The following AKT3 variants were observed in gnomAD, a reference collection of about 807,000 sequenced individuals.
AKT3 encodes the protein RAC-gamma serine/threonine-protein kinase.
A neutral mutation model predicts 65.3 loss-of-function variants in AKT3; 15 were observed. The observed-to-expected ratio is 0.23, with a 90% CI of 0.15 to 0.35. The LOEUF is 0.35. Ranked by LOEUF, AKT3 falls within the 10% of genes least tolerant of loss-of-function variation. The pLI is 1.00. For missense variants in AKT3, 243 were observed against 576.5 expected (o/e 0.42, Z 5.92); for synonymous variants, 206 against 183.8 (o/e 1.12, Z -0.98).
chr1:243,664,185 C>CTTTTTTTTT (rs34578718), intron 4 of AKT3, among the ~76,000 whole-genome samples: 1 of 60,020 alleles, frequency 1.7e-5, no homozygotes. Flanking sequence ...ATAAAAATGT[C>CTTTTTTTTT]TTTTTTTTTT....
intron 8 of AKT3, among the ~76,000 whole-genome samples, chr1:243,607,776 C>T (rs766745614): frequency 3.0e-4 from 46 of 152,158 alleles, no homozygotes; most frequent in Non-Finnish European, 5.9e-4. Context: ...TGAATTGTAG[C>T]TCCCAAAATC....
In AKT3 at chr1:243,620,129, G is replaced by A. The variant is rs1336558536; in HGVS notation, c.562-4968C>T. 3.1e-5 allele frequency among the ~76,000 whole-genome samples: 3 copies of A among 97,618 alleles called. 1 individual carries two copies. Among genetic ancestry groups the A allele is most frequent in the South Asian group, 6.1e-4 (2 of 3,274 alleles). The allele number at this position is 97,618 out of a possible 152,430, so 64.0% of individuals were successfully genotyped here. On this transcript the variant is annotated intron_variant, in intron 6 of 13. Transcript: ENST00000673466. ...GGGATCAGGGGGCAGTGTCCCCCAC[G>A]CTGTTCTTGTGATAGTGAGTGAATT...
intron 2 of AKT3, among the ~76,000 whole-genome samples, chr1:243,811,166 C>G (rs190051706): frequency 2.3e-4 from 35 of 152,304 alleles, no homozygotes; most frequent in African/African-American, 7.7e-4. Context: ...GTTGGAAGTT[C>G]TAGCCGGGGC....
chr1:243,622,614 G>A lies in AKT3; in HGVS notation c.562-7453C>T, dbSNP rs75933103. Among the ~76,000 whole-genome samples the A allele has an allele frequency of 5.5e-3, 844 of 152,246 alleles. 11 individuals are homozygous for A. The highest frequency in any genetic ancestry group is 0.019 in the African/African-American group (803 of 41,558). ...ATGAGTGAATGAACTAGTAAATAAC[G>A]AATAACCTTGGTGCATGCTGCTGAA... On this transcript the variant is annotated intron_variant, in intron 6 of 13. Transcript: ENST00000673466.
chr1:243,700,742 T>C (rs1286682667), intron 2 of AKT3, among the ~76,000 whole-genome samples: 1 of 152,110 alleles, frequency 6.6e-6, no homozygotes, highest in Non-Finnish European at 1.5e-5. Flanking sequence ...GACCTCATGA[T>C]CCACCTGCCT....
chr1:243,512,951 C>T (rs1285595001), intron 12 of AKT3, among the ~76,000 whole-genome samples: 2 of 152,142 alleles, frequency 1.3e-5, no homozygotes, highest in Non-Finnish European at 2.9e-5. Context: ...TGATGCCTGC[C>T]CTGCTCTGGA....
intron 4 of AKT3, among the ~76,000 whole-genome samples, chr1:243,648,399 A>C (rs1201506681): frequency 1.3e-5 from 2 of 152,202 alleles, no homozygotes; most frequent in Non-Finnish European, 2.9e-5. Flanking sequence ...AGATGTTAAC[A>C]CAACTTTGAA....
chr1:243,582,617 T>C (rs955738722), intron 8 of AKT3, among the ~76,000 whole-genome samples: 8 of 151,958 alleles, frequency 5.3e-5, no homozygotes, highest in African/African-American at 1.7e-4. Context: ...ATTCTAAATA[T>C]GGAAATGAAA....
intron 12 of AKT3, among the ~76,000 whole-genome samples, chr1:243,528,956 T>TA (rs1671336719): frequency 6.6e-6 from 1 of 152,166 alleles, no homozygotes; most frequent in African/African-American, 2.4e-5. Context: ...ACAATCTTGC[T>TA]AGCATCTGTT....
chr1:243,827,296 C>A (rs1384329249), intron 2 of AKT3, among the ~76,000 whole-genome samples: 7 of 152,302 alleles, frequency 4.6e-5, no homozygotes, highest in East Asian at 3.9e-4. Flanking sequence ...CACAAGACCT[C>A]ATTCTCCATT....
rs1043827111 is a variant in AKT3, at chr1:243,717,674, C to T, written c.47-21958G>A. ...AGACACTGAGCACCCTATCATTGGACGGCCACATATCAAAGATGTTATAAA... is the reference window on the plus strand; with the variant it reads ...AGACACTGAGCACCCTATCATTGGATGGCCACATATCAAAGATGTTATAAA... On this transcript the variant is annotated intron_variant, in intron 2 of 13. Coordinates refer to ENST00000673466, the MANE Select transcript of AKT3 (RefSeq NM_005465.7). Among the ~76,000 whole-genome samples, 103 of 152,152 alleles carry T rather than the reference C, an allele frequency of 6.8e-4. 1 individual carries two copies. The highest frequency in any genetic ancestry group is 1.9e-4 in the East Asian group (1 of 5,182).
intron 8 of AKT3, among the ~76,000 whole-genome samples, chr1:243,610,353 A>G (rs1301147377): frequency 2.0e-5 from 3 of 152,362 alleles, no homozygotes; most frequent in African/African-American, 7.2e-5. Flanking sequence ...GCAGTGAATA[A>G]GATGCTAGGG....
intron 2 of AKT3, among the ~76,000 whole-genome samples, chr1:243,834,067 TA>T (rs941809295): frequency 1.8e-4 from 28 of 152,246 alleles, no homozygotes; most frequent in African/African-American, 6.3e-4. Context: ...GGTGGGAATG[TA>T]AATTAGTTCA....
chr1:243,579,385 A>G (rs1675172916), intron 8 of AKT3, among the ~76,000 whole-genome samples: 1 of 152,218 alleles, frequency 6.6e-6, no homozygotes, highest in Non-Finnish European at 1.5e-5. Flanking sequence ...TATACATAGG[A>G]CAGAAAAAAG....
At chr1:243,663,013 A>G (rs1026310052) in intron 4 of AKT3, among the ~76,000 whole-genome samples, 1 of 152,240 alleles carries the variant, frequency 6.6e-6, no homozygotes, top group African/African-American at 2.4e-5. Context: ...TTAAAAATCC[A>G]CTAAGAATAA....
At chr1:243,525,682 AG>A (rs1239506377) in intron 12 of AKT3, among the ~76,000 whole-genome samples, 3 of 140,344 alleles carry the variant, frequency 2.1e-5, no homozygotes, top group Non-Finnish European at 4.5e-5. Flanking sequence ...ATATACCAGC[AG>A]AGATTATTAT....
chr1:243,719,006 C>T (rs974500271), intron 2 of AKT3, among the ~76,000 whole-genome samples: 1 of 151,994 alleles, frequency 6.6e-6, no homozygotes, highest in Non-Finnish European at 1.5e-5. Flanking sequence ...GGGATAATTC[C>T]CCTAAGGGAA....
intron 9 of AKT3, among the ~76,000 whole-genome samples, chr1:243,571,594 C>T (rs1014201706): frequency 5.3e-5 from 8 of 152,274 alleles, no homozygotes; most frequent in Admixed American, 3.3e-4. Flanking sequence ...AGTGGGAATA[C>T]GAGAAGTGGA....
At chr1:243,744,820 T>G (rs1688382664) in intron 2 of AKT3, among the ~76,000 whole-genome samples, 1 of 152,040 alleles carries the variant, frequency 6.6e-6, no homozygotes, top group South Asian at 2.1e-4. Context: ...CACCAACTAT[T>G]AGTTCCAGTA....
Sources: gnomAD v4.1 joint callset for allele counts (sites outside exome capture counted in the v4.1 genomes callset) on GRCh38, gnomAD v4.1.1 for gene constraint, MANE v1.5 for transcripts, NCBI Gene and HGNC (gene_info 2026-07-23, HGNC 2026-07-21) for gene names.